Variants in TEX2 observed in about 807,000 individuals in gnomAD.
TEX2 encodes testis expressed 2, also known as testis-expressed protein 2.
Under a neutral mutation model 106.9 loss-of-function variants are expected in TEX2, and 53 were observed. The ratio of observed to expected loss-of-function variants is 0.50; its 90% CI spans 0.40 to 0.62. The LOEUF (loss-of-function observed/expected upper bound fraction) is 0.62. Ranked by LOEUF, TEX2 falls within the 20% of genes least tolerant of loss-of-function variation. TEX2 has a pLI of 0.00. For missense variants in TEX2, 1,207 were observed against 1,379.0 expected, an observed-to-expected ratio of 0.88 and a Z score of 1.98; for synonymous variants, 523 against 534.8, an observed-to-expected ratio of 0.98 and a Z score of 0.30.
At chr17:64,178,763 G>T (rs368535535) in intron 5 of TEX2, among the ~76,000 whole-genome samples, 14 of 152,308 alleles carry the variant, frequency 9.2e-5, no homozygotes, top group African/African-American at 3.4e-4. Flanking sequence ...GCCCTCATGG[G>T]CTGGCTGCAG....
rs1180096764 is a variant in TEX2, at chr17:64,205,347, G to A, written c.1644+7227C>T. Among the ~76,000 whole-genome samples the A allele has an allele frequency of 1.3e-5, 2 of 152,066 alleles. No homozygotes were observed. Among genetic ancestry groups the A allele is most frequent in the Non-Finnish European group, 2.9e-5 (2 of 68,028 alleles). On this transcript the variant is annotated intron_variant, in intron 2 of 11. Transcript: ENST00000584379. The surrounding 1 kb of genome is among the most constrained non-coding windows in gnomAD (Gnocchi z 4.0). ...ATACAAACAAACAAACATCTCACCTGAAAACTATTCTACAAGGGGCACTGG... is the reference window on the plus strand; with the variant it reads ...ATACAAACAAACAAACATCTCACCTAAAAACTATTCTACAAGGGGCACTGG...
chr17:64,178,054 C>T (rs920968814), intron 5 of TEX2, among the ~76,000 whole-genome samples: 2 of 152,204 alleles, frequency 1.3e-5, no homozygotes, highest in Non-Finnish European at 2.9e-5. Flanking sequence ...ACAGGCAAGA[C>T]GATGAATCAC....
At chr17:64,247,349 A>T (rs1364754386) in intron 1 of TEX2, among the ~76,000 whole-genome samples, 1 of 152,298 alleles carries the variant, frequency 6.6e-6, no homozygotes, top group East Asian at 1.9e-4. Flanking sequence ...AGGCAAACCC[A>T]AGAAAAATAA....
chr17:64,177,215 T>C (rs1199861636), intron 6 of TEX2, 110 bp downstream of exon 6: 2 of 1,297,214 alleles, frequency 1.5e-6, no homozygotes, highest in African/African-American at 3.0e-5. Context: ...ACTACCCTCA[T>C]ATGTTATACG....
intron 1 of TEX2, among the ~76,000 whole-genome samples, chr17:64,234,786 C>T (rs910619344): frequency 6.6e-6 from 1 of 152,134 alleles, no homozygotes; most frequent in Non-Finnish European, 1.5e-5. Flanking sequence ...GTAAATGACA[C>T]CAAGAAATAT....
At chr17:64,244,851 T>A (rs1598223113) in intron 1 of TEX2, among the ~76,000 whole-genome samples, 1 of 152,040 alleles carries the variant, frequency 6.6e-6, no homozygotes, top group Non-Finnish European at 1.5e-5. Flanking sequence ...AACTCTCTAC[T>A]CCCCCCAACC....
In TEX2 at chr17:64,217,696, AAG is replaced by A. The variant is rs1567950161; in HGVS notation, c.-25-3456_-25-3455del. ...ACTCAATTATACCCAGGCTCAAAAA[AAG>A]AGACAAGCTTCTCTCAAGCCCTCAG... On this transcript the variant is annotated intron_variant, in intron 1 of 11. Coordinates refer to ENST00000584379, the MANE Select transcript of TEX2 (RefSeq NM_001288732.2). This position sits in a 1 kb window ranked among gnomAD's most constrained non-coding sequence, Gnocchi z 4.3. Among the ~76,000 whole-genome samples, 1 of 151,960 alleles carries A rather than the reference AAG, an allele frequency of 6.6e-6. No homozygotes were observed. Among genetic ancestry groups the A allele is most frequent in the African/African-American group, 2.4e-5 (1 of 41,352 alleles).
At position 64,217,794 on chromosome 17, in the gene TEX2, A is replaced by G. The variant is rs908483214; in HGVS notation, c.-25-3552T>C. Among the ~76,000 whole-genome samples, 3 of 152,162 alleles carry G rather than the reference A, an allele frequency of 2.0e-5. No individual in the cohort carries two copies. The highest frequency in any genetic ancestry group is 7.2e-5 in the African/African-American group (3 of 41,436). On this transcript the variant is annotated intron_variant, in intron 1 of 11. Coordinates refer to ENST00000584379, the MANE Select transcript of TEX2 (RefSeq NM_001288732.2). This position sits in a 1 kb window ranked among gnomAD's most constrained non-coding sequence, Gnocchi z 4.3. ...TTTCCCATAGTTCCAGCAGACTACA[A>G]AGCCCTTGGGTTTTAACACTGACCC...
At chr17:64,248,957 C>T (rs2034041119) in intron 1 of TEX2, among the ~76,000 whole-genome samples, 1 of 151,878 alleles carries the variant, frequency 6.6e-6, no homozygotes, top group Admixed American at 6.6e-5. Flanking sequence ...ATCACTTGAA[C>T]CCAGGAGGCG....
chr17:64,155,222 G>T (rs542003540), intron 8 of TEX2: 178 of 368,366 alleles, frequency 4.8e-4, no homozygotes, highest in African/African-American at 3.5e-3. Flanking sequence ...GGACCCAGAA[G>T]AGGTTGCTTT....
intron 1 of TEX2, among the ~76,000 whole-genome samples, chr17:64,222,518 C>CAAA (rs11296538): frequency 4.0e-5 from 4 of 99,142 alleles, no homozygotes; most frequent in Admixed American, 1.1e-4. Context: ...TTCCAACTCA[C>CAAA]AAAAAAAAAA....
intron 2 of TEX2, among the ~76,000 whole-genome samples, chr17:64,212,091 G>A (rs782118485): frequency 2.6e-5 from 4 of 152,222 alleles, no homozygotes; most frequent in Admixed American, 6.5e-5. Flanking sequence ...AGTGAAAGAT[G>A]ACATCTTTCT....
intron 1 of TEX2, among the ~76,000 whole-genome samples, chr17:64,234,861 T>C (rs892422338): frequency 4.6e-5 from 7 of 152,180 alleles, no homozygotes; most frequent in East Asian, 3.8e-4. Context: ...AAAGATACAA[T>C]GGTTATTTAT....
intron 2 of TEX2, among the ~76,000 whole-genome samples, chr17:64,197,516 T>A (rs1184892659): frequency 6.6e-6 from 1 of 152,170 alleles, no homozygotes; most frequent in Non-Finnish European, 1.5e-5. Flanking sequence ...AAATCTTTCT[T>A]TTCGTATGTA....
At chr17:64,196,485 C>T (rs917240643) in intron 2 of TEX2, among the ~76,000 whole-genome samples, 85 of 152,150 alleles carry the variant, frequency 5.6e-4, no homozygotes, top group Non-Finnish European at 1.6e-4. Flanking sequence ...CTGGGAGGTT[C>T]TCTCCCTCCT....
chr17:64,170,915 G>A (rs141039631), intron 7 of TEX2, among the ~76,000 whole-genome samples, 185 bp downstream of exon 7: 15 of 152,260 alleles, frequency 9.9e-5, no homozygotes, highest in African/African-American at 3.1e-4. Flanking sequence ...GATTACAGGC[G>A]TAAGCCACCA....
At chr17:64,191,284 T>C (rs190383279) in intron 4 of TEX2, among the ~76,000 whole-genome samples, 161 of 152,298 alleles carry the variant, frequency 1.1e-3, no homozygotes, top group Non-Finnish European at 2.0e-3. Flanking sequence ...TTTCCAAAAA[T>C]TGAACTCGTT....
At chr17:64,206,481 G>A (rs1292238575) in intron 2 of TEX2, among the ~76,000 whole-genome samples, 13 of 151,262 alleles carry the variant, frequency 8.6e-5, no homozygotes, top group African/African-American at 2.9e-4. Flanking sequence ...GAACAAGCAA[G>A]CTTTGGAGGA....
chr17:64,168,933 G>A (rs1976910), intron 7 of TEX2, among the ~76,000 whole-genome samples: 72,912 of 136,814 alleles, frequency 0.53, 20,821 homozygotes, highest in East Asian at 0.82. Flanking sequence ...ACAGATTCTC[G>A]CTCTGTTGCC....
Sources: allele counts gnomAD v4.1 joint callset (sites outside exome capture counted in the v4.1 genomes callset), GRCh38; gene constraint gnomAD v4.1.1; non-coding constraint Gnocchi (gnomAD v3.1); transcripts MANE v1.5; gene names NCBI Gene and HGNC (gene_info 2026-07-23, HGNC 2026-07-21).